Variants in SEMA3A observed in about 807,000 individuals in gnomAD.
The protein encoded by SEMA3A is semaphorin-3A.
SEMA3A carries 29 observed loss-of-function variants against 97.9 expected under a neutral mutation model. The ratio of observed to expected loss-of-function variants is 0.30; its 90% confidence interval spans 0.22 to 0.40. The LOEUF is 0.40. Among genes scored for constraint, SEMA3A ranks in the 10% least tolerant of loss-of-function variants. The pLI, the probability that SEMA3A is intolerant of heterozygous loss-of-function variation, is 1.00. For synonymous variants in SEMA3A, 321 were observed against 323.7 expected (o/e 0.99, Z 0.09); for missense variants, 763 against 951.3 (o/e 0.80, Z 2.60).
chr7:84,414,036 T>G (rs1804356426), intron 1 of SEMA3A, among the ~76,000 whole-genome samples: 1 of 152,182 alleles, frequency 6.6e-6, no homozygotes, highest in South Asian at 2.1e-4. Flanking sequence ...CGTAAATTTC[T>G]GATTACTCTA....
chr7:84,249,396 T>TATC (rs1198411723), intron 3 of SEMA3A, among the ~76,000 whole-genome samples: 1 of 151,898 alleles, frequency 6.6e-6, no homozygotes, highest in Non-Finnish European at 1.5e-5. Flanking sequence ...TCTATCTATC[T>TATC]ATCTATCTAT....
At chr7:84,300,370 A>G (rs911805874) in intron 3 of SEMA3A, among the ~76,000 whole-genome samples, 14 of 152,152 alleles carry the variant, frequency 9.2e-5, no homozygotes, top group African/African-American at 3.1e-4. Flanking sequence ...AATCTGTAGT[A>G]TAATGAAAAC....
chr7:84,255,632 T>A (rs543010176), intron 3 of SEMA3A, among the ~76,000 whole-genome samples: 14 of 152,124 alleles, frequency 9.2e-5, no homozygotes, highest in Non-Finnish European at 1.5e-4. Flanking sequence ...TGTCTCTGTG[T>A]TCTTGTCATA....
intron 1 of SEMA3A, among the ~76,000 whole-genome samples, chr7:84,444,301 GCTCTTCTTGT>G (rs1805350236): frequency 6.6e-6 from 1 of 152,046 alleles, no homozygotes; most frequent in Non-Finnish European, 1.5e-5. Context: ...TTTATTAAAA[GCTCTTCTTGT>G]CTCTGCAGTT....
At chr7:84,191,801 G>C (rs1003069109) in intron 1 of SEMA3A, among the ~76,000 whole-genome samples, 1 of 151,688 alleles carries the variant, frequency 6.6e-6, no homozygotes, top group East Asian at 1.9e-4. Flanking sequence ...AATCAAATTG[G>C]TTCAGAGGAA....
intron 1 of SEMA3A, among the ~76,000 whole-genome samples, chr7:84,414,482 T>G (rs1804375892): frequency 6.6e-6 from 1 of 151,622 alleles, no homozygotes; most frequent in Non-Finnish European, 1.5e-5. Flanking sequence ...AAATGAAACT[T>G]TACAATGGAA....
intron 3 of SEMA3A, among the ~76,000 whole-genome samples, chr7:84,111,651 C>A (rs1268392198): frequency 1.3e-5 from 2 of 151,978 alleles, no homozygotes; most frequent in Admixed American, 1.3e-4. Context: ...AAATAAAATG[C>A]GAAAGTTTCT....
At chr7:84,103,312 C>T (rs1371185688) in intron 4 of SEMA3A, among the ~76,000 whole-genome samples, 1 of 152,008 alleles carries the variant, frequency 6.6e-6, no homozygotes, top group Non-Finnish European at 1.5e-5. Context: ...GGCTTTGTTT[C>T]TTTCTCATTA....
At chr7:84,253,154 G>C (rs1051890353) in intron 3 of SEMA3A, among the ~76,000 whole-genome samples, 83 of 152,186 alleles carry the variant, frequency 5.5e-4, no homozygotes, top group African/African-American at 1.9e-3. Context: ...CAGAGATTAC[G>C]GGCATGAGCC....
chr7:83,990,577 T>G (rs1440631091), intron 12 of SEMA3A, among the ~76,000 whole-genome samples: 2 of 122,760 alleles, frequency 1.6e-5, no homozygotes, highest in Non-Finnish European at 3.5e-5. Flanking sequence ...AAATAGGGAA[T>G]CCTTTCCCCA....
At position 84,424,479 on chromosome 7, in the gene SEMA3A, AATATATTG is replaced by A. The variant is rs1804691047; in HGVS notation, c.-245-52587_-245-52580del. 4.4e-5 allele frequency among the ~76,000 whole-genome samples: 5 copies of A among 112,824 alleles called. No homozygotes were observed. In the South Asian group the frequency reaches 1.3e-3, roughly 29 times the overall value. 74.0% of individuals were successfully genotyped at this position (112,824 alleles called of 152,430 possible). On this transcript the variant is annotated intron_variant, in intron 1 of 3. Transcript: ENST00000424555. ...TAATACAATTTAATATACAATATAT[AATATATTG>A]ATATATAATATATAATATATAAATA...
At chr7:84,229,101 G>C (rs761564322) in intron 3 of SEMA3A, among the ~76,000 whole-genome samples, 8 of 151,912 alleles carry the variant, frequency 5.3e-5, no homozygotes, top group Non-Finnish European at 1.0e-4. Flanking sequence ...CACTAAAAGT[G>C]GCTGATTAAA....
In SEMA3A at chr7:83,980,714, C is replaced by CAGAT. The variant is rs959653542; in HGVS notation, c.1652+603_1652+606dup. ...CATATACATATATATTGCATATGCA[C>CAGAT]AGATAGATATTTTACTACATGGTTT... On this transcript the variant is annotated intron_variant, in intron 14 of 16. Coordinates refer to ENST00000265362, the MANE Select transcript of SEMA3A (RefSeq NM_006080.3). Among the ~76,000 whole-genome samples, 3 of 148,228 alleles carry CAGAT rather than the reference C, an allele frequency of 2.0e-5. No individual in the cohort carries two copies. The East Asian group carries it at 5.8e-4, about 29-fold the overall frequency.
intron 14 of SEMA3A, among the ~76,000 whole-genome samples, chr7:83,978,199 T>A (rs1789246137): frequency 6.6e-6 from 1 of 152,130 alleles, no homozygotes; most frequent in Non-Finnish European, 1.5e-5. Flanking sequence ...CAACAATAAA[T>A]GTTGAACTTA....
intron 3 of SEMA3A, among the ~76,000 whole-genome samples, chr7:84,208,801 G>T (rs892698684): frequency 6.6e-6 from 1 of 152,100 alleles, no homozygotes; most frequent in Non-Finnish European, 1.5e-5. Context: ...TGCAAAAAGT[G>T]ATAAAGGCTA....
At chr7:84,229,874 C>A (rs1799080400) in intron 3 of SEMA3A, among the ~76,000 whole-genome samples, 1 of 151,810 alleles carries the variant, frequency 6.6e-6, no homozygotes, top group Non-Finnish European at 1.5e-5. Context: ...TAAAGAACAA[C>A]TTCCTTGTCC....
chr7:84,203,742 T>G (rs1584121528), intron 3 of SEMA3A, among the ~76,000 whole-genome samples: 1 of 151,418 alleles, frequency 6.6e-6, no homozygotes, highest in African/African-American at 2.4e-5. Context: ...AGTTAGTCAG[T>G]CTGGTCTCGA....
intron 2 of SEMA3A, among the ~76,000 whole-genome samples, chr7:84,370,386 T>C (rs1460692381): frequency 1.3e-5 from 2 of 151,720 alleles, no homozygotes; most frequent in African/African-American, 4.8e-5. Flanking sequence ...ATACCTTATA[T>C]TTTAGCATAA....
At chr7:84,025,340 C>G (rs1273873198) in intron 6 of SEMA3A, among the ~76,000 whole-genome samples, 1 of 152,110 alleles carries the variant, frequency 6.6e-6, no homozygotes, top group African/African-American at 2.4e-5. Context: ...CAGATGACTG[C>G]CAGCACACCA....
Sources: allele counts gnomAD v4.1 joint callset (sites outside exome capture counted in the v4.1 genomes callset), GRCh38; gene constraint gnomAD v4.1.1; transcripts MANE v1.5; gene names NCBI Gene and HGNC (gene_info 2026-07-23, HGNC 2026-07-21).